Variants in UEVLD observed in about 807,000 individuals in gnomAD.
UEVLD encodes the protein UEV and lactate/malate dehyrogenase domains, also known as ubiquitin-conjugating enzyme E2 variant 3.
In UEVLD, 47 loss-of-function variants were observed where a neutral mutation model predicts 58.6. The observed-to-expected ratio is 0.80, with a 90% confidence interval of 0.63 to 1.02. The LOEUF is 1.02. UEVLD is among the 50% of genes least tolerant of loss of function. The pLI, the probability that UEVLD is intolerant of heterozygous loss-of-function variation, is 0.00. For synonymous variants in UEVLD, 197 were observed against 195.3 expected (o/e 1.01, Z -0.07); for missense variants, 510 against 550.6 (o/e 0.93, Z 0.74).
At chr11:18,541,384 C>A (rs1384106519) in intron 9 of UEVLD, among the ~76,000 whole-genome samples, 1 of 152,166 alleles carries the variant, frequency 6.6e-6, no homozygotes, top group Non-Finnish European at 1.5e-5. Context: ...CTTGTCTATA[C>A]ACAGAATATT....
chr11:18,577,348 A>G (rs1198060307), intron 2 of UEVLD, among the ~76,000 whole-genome samples: 1 of 152,266 alleles, frequency 6.6e-6, no homozygotes, highest in African/African-American at 2.4e-5. Flanking sequence ...AAACTGTTAG[A>G]TCAATAATTA....
Position 18,585,357 on chromosome 11 carries a change from A to G in UEVLD, c.42+3256T>C, listed in dbSNP as rs966378687. Among the ~76,000 whole-genome samples, 6 of 152,162 alleles carry G rather than the reference A, an allele frequency of 3.9e-5. No individual in the cohort carries two copies. In the East Asian group the frequency reaches 9.6e-4, roughly 24 times the overall value. ...ACATTTAGGTCTTTAATCCACTGGA[A>G]ATTTTTATGTTTGGCGTAAGGCAGG... On this transcript the variant is annotated intron_variant, in intron 1 of 11. Coordinates refer to ENST00000396197, the MANE Select transcript of UEVLD (RefSeq NM_001040697.4).
At position 18,547,895 on chromosome 11, in the gene UEVLD, T is replaced by C. The variant is rs2133980984; in HGVS notation, c.716-845A>G. Among the ~76,000 whole-genome samples the C allele has an allele frequency of 3.3e-5, 5 of 152,218 alleles. No homozygotes were observed. The Middle Eastern group carries it at 0.014, about 414-fold the overall frequency. On this transcript the variant is annotated intron_variant, in intron 7 of 11. Transcript: ENST00000396197. ...TTAAGGATTCTACTCTAAAGAGTAG[T>C]TCAAAAATCTCTAAATTAAATATCT... is the stretch of plus-strand genomic sequence containing the variant.
At chr11:18,559,926 A>T (rs1590343071) in intron 6 of UEVLD, among the ~76,000 whole-genome samples, 1 of 152,080 alleles carries the variant, frequency 6.6e-6, no homozygotes, top group African/African-American at 2.4e-5. Flanking sequence ...GTACCCAAAG[A>T]TCTACCAGAC....
intron 1 of UEVLD, among the ~76,000 whole-genome samples, chr11:18,583,741 A>C (rs1853390974): frequency 6.9e-6 from 1 of 144,268 alleles, no homozygotes; most frequent in African/African-American, 2.6e-5. Flanking sequence ...GGCTCACCGC[A>C]ACCTGCACTG....
intron 7 of UEVLD, among the ~76,000 whole-genome samples, chr11:18,550,983 C>A (rs776244803): frequency 1.3e-5 from 2 of 152,202 alleles, no homozygotes; most frequent in African/African-American, 2.4e-5. Context: ...CCACAGGCAA[C>A]TAAGTTCCTT....
At chr11:18,586,387 T>C (rs1219510624) in intron 1 of UEVLD, among the ~76,000 whole-genome samples, 1 of 152,014 alleles carries the variant, frequency 6.6e-6, no homozygotes, top group East Asian at 1.9e-4. Context: ...GCTTATTTTT[T>C]TGTATTTTTA....
Position 18,545,082 on chromosome 11 carries a change from T to A in UEVLD, c.887-286A>T, listed in dbSNP as rs1419674542. 2.4e-4 allele frequency among the ~76,000 whole-genome samples: 29 copies of A among 121,998 alleles called. 1 individual carries two copies. Among genetic ancestry groups the A allele is most frequent in the Middle Eastern group, 4.2e-3 (1 of 236 alleles). The allele number at this position is 121,998 out of a possible 152,430, so 80.0% of individuals were successfully genotyped here. A position where few individuals can be genotyped will look rare whatever the true frequency, so the allele number is the denominator to read the frequency against. ...TCTATATCTATATCTATATTTTTTT[T>A]TTTTTTTTGAGATGGAGTGTCGCTC... On this transcript the variant is annotated intron_variant, in intron 8 of 11. Coordinates refer to ENST00000396197, the MANE Select transcript of UEVLD (RefSeq NM_001040697.4).
chr11:18,566,299 C>T, intron 5 of UEVLD, 48 bp downstream of exon 5: 1 of 1,606,476 alleles, frequency 6.2e-7, no homozygotes. Context: ...TAGTGAGAAA[C>T]TGGTAACTCA....
At chr11:18,584,542 C>T (rs1272357037) in intron 1 of UEVLD, among the ~76,000 whole-genome samples, 1 of 152,178 alleles carries the variant, frequency 6.6e-6, no homozygotes, top group Non-Finnish European at 1.5e-5. Context: ...CCACATGTGG[C>T]TACTAACAAT....
intron 3 of UEVLD, among the ~76,000 whole-genome samples, chr11:18,571,683 G>A (rs531865662): frequency 1.4e-4 from 22 of 152,336 alleles, no homozygotes; most frequent in Admixed American, 5.2e-4. Flanking sequence ...TAAGTTGGAT[G>A]TAAACAAAGT....
At chr11:18,568,052 G>T (rs1565132619) in intron 4 of UEVLD, among the ~76,000 whole-genome samples, 1 of 152,068 alleles carries the variant, frequency 6.6e-6, no homozygotes, top group Non-Finnish European at 1.5e-5. Flanking sequence ...GGCTGAGGTG[G>T]GAAACTCACT....
intron 1 of UEVLD, among the ~76,000 whole-genome samples, chr11:18,585,642 A>T (rs1028873455): frequency 1.4e-4 from 21 of 145,518 alleles, no homozygotes; most frequent in Non-Finnish European, 2.4e-4. Flanking sequence ...TATTATTATT[A>T]TTTTTTTTTT....
In UEVLD at chr11:18,561,571, G is replaced by A. The variant is rs542553163; in HGVS notation, c.613-3241C>T. ...AAGGTCACACTACTGGCCAGGCACG[G>A]TGGCTCACGCCTGTAATCCCAACAC... On this transcript the variant is annotated intron_variant, in intron 6 of 11. Transcript: ENST00000396197. Among the ~76,000 whole-genome samples, 24 of 152,294 alleles carry A rather than the reference G, an allele frequency of 1.6e-4. No homozygotes were observed. The South Asian group carries it at 4.8e-3, about 30-fold the overall frequency.
At chr11:18,560,140 G>GACC (rs1851967390) in intron 6 of UEVLD, among the ~76,000 whole-genome samples, 2 of 37,878 alleles carry the variant, frequency 5.3e-5, no homozygotes, top group African/African-American at 2.2e-4. Context: ...CACACACACA[G>GACC]AGAGAGAAAG....
intron 8 of UEVLD, among the ~76,000 whole-genome samples, 180 bp downstream of exon 8, chr11:18,546,700 T>C (rs560993034): frequency 2.6e-5 from 4 of 152,190 alleles, no homozygotes; most frequent in African/African-American, 7.2e-5. Context: ...GGTTTCACCA[T>C]GTTGGTCAGG....
intron 11 of UEVLD, among the ~76,000 whole-genome samples, chr11:18,533,423 T>C (rs915593792): frequency 1.3e-5 from 2 of 151,934 alleles, no homozygotes; most frequent in African/African-American, 2.4e-5. Flanking sequence ...TATGTGATAT[T>C]TGTCTTTCTG....
chr11:18,556,516 T>C (rs1851763337), intron 7 of UEVLD, among the ~76,000 whole-genome samples: 1 of 152,226 alleles, frequency 6.6e-6, no homozygotes, highest in South Asian at 2.1e-4. Context: ...TGTCTTTATA[T>C]ATTATTTGGA....
At chr11:18,573,171 T>C (rs1852717069) in intron 3 of UEVLD, among the ~76,000 whole-genome samples, 1 of 152,326 alleles carries the variant, frequency 6.6e-6, no homozygotes, top group Middle Eastern at 3.4e-3. Flanking sequence ...CAGCGGGATT[T>C]TACCAATGGT....
Sources: allele counts gnomAD v4.1 joint callset (sites outside exome capture counted in the v4.1 genomes callset), GRCh38; gene constraint gnomAD v4.1.1; transcripts MANE v1.5; gene names NCBI Gene and HGNC (gene_info 2026-07-23, HGNC 2026-07-21).